Variants in MSH3 observed in about 807,000 individuals in gnomAD.
MSH3 encodes the protein DNA mismatch repair protein Msh3.
In MSH3, 106 loss-of-function variants were observed where a neutral mutation model predicts 123.3. The ratio of observed to expected loss-of-function variants is 0.86; its 90% CI spans 0.73 to 1.01. MSH3 has a LOEUF of 1.01. MSH3 is among the 50% of genes least tolerant of loss of function. The pLI is 0.00. For synonymous variants in MSH3, 515 were observed against 481.4 expected, an observed-to-expected ratio of 1.07 and a Z score of -0.91; for missense variants, 1,459 against 1,347.6, an observed-to-expected ratio of 1.08 and a Z score of -1.29.
At chr5:80,865,085 G>T in intron 22 of MSH3, 143 bp downstream of exon 22, 1 of 909,306 alleles carries the variant, frequency 1.1e-6, no homozygotes. Context: ...ATTCATTTTT[G>T]CTAAGCTTTA....
intron 15 of MSH3, among the ~76,000 whole-genome samples, chr5:80,769,747 A>G (rs577680957): frequency 2.0e-5 from 3 of 152,224 alleles, no homozygotes; most frequent in Non-Finnish European, 4.4e-5. Context: ...CTTCTATAGA[A>G]TGAGCATTTT....
chr5:80,727,974 T>A (rs1275206618), intron 9 of MSH3, among the ~76,000 whole-genome samples: 3 of 152,094 alleles, frequency 2.0e-5, no homozygotes, highest in Admixed American at 2.0e-4. Context: ...CAACAGTAAG[T>A]ACAAAATATC....
chr5:80,862,163 A>G (rs12521539), intron 21 of MSH3, among the ~76,000 whole-genome samples: 1 of 151,984 alleles, frequency 6.6e-6, no homozygotes, highest in African/African-American at 2.4e-5. Flanking sequence ...CTTCCGGCTA[A>G]AAGTGCCTAT....
At chr5:80,754,837 C>G (rs1743896763) in intron 12 of MSH3, among the ~76,000 whole-genome samples, 1 of 152,144 alleles carries the variant, frequency 6.6e-6, no homozygotes, top group Non-Finnish European at 1.5e-5. Context: ...GGTTGTATTT[C>G]TAATTTGTTA....
intron 15 of MSH3, 133 bp downstream of exon 15, chr5:80,769,136 G>A (rs1185591252): frequency 3.8e-6 from 3 of 787,480 alleles, no homozygotes; most frequent in Non-Finnish European, 2.0e-6. Context: ...TTGGAAATAT[G>A]TTGTAATAAC....
chr5:80,691,345 G>C (rs763404067), intron 8 of MSH3, among the ~76,000 whole-genome samples: 9 of 151,664 alleles, frequency 5.9e-5, no homozygotes, highest in Non-Finnish European at 1.2e-4. Context: ...ATTTAAAATA[G>C]CAACCACAAT....
At chr5:80,669,123 T>G (rs920024972) in intron 3 of MSH3, among the ~76,000 whole-genome samples, 1 of 152,026 alleles carries the variant, frequency 6.6e-6, no homozygotes, top group Non-Finnish European at 1.5e-5. Flanking sequence ...ATAAATTGAG[T>G]TTTTTTTGAA....
intron 19 of MSH3, among the ~76,000 whole-genome samples, chr5:80,803,915 G>T (rs1744837878): frequency 6.6e-6 from 1 of 152,082 alleles, no homozygotes; most frequent in Non-Finnish European, 1.5e-5. Context: ...ATTGGTCTCT[G>T]TGTCTGTTTT....
chr5:80,685,908 A>G (rs947999574), intron 8 of MSH3, among the ~76,000 whole-genome samples: 1 of 152,072 alleles, frequency 6.6e-6, no homozygotes, highest in Non-Finnish European at 1.5e-5. Flanking sequence ...TCATTGACCC[A>G]CTGGCCATTC....
Position 80,859,897 on chromosome 5 carries a change from C to T in MSH3, c.3001-4916C>T, listed in dbSNP as rs191755538. Among the ~76,000 whole-genome samples, 56 of 151,868 alleles carry T rather than the reference C, an allele frequency of 3.7e-4. 1 individual carries two copies. In the East Asian group the frequency reaches 5.4e-3, roughly 15 times the overall value. On this transcript the variant is annotated intron_variant, in intron 21 of 23. Transcript: ENST00000265081. ...CCAGCTATTTTCTCTCCTTTCTTAGCGTATCAGTTATATTTCTTGTTTTAC... is the reference window on the plus strand; with the variant it reads ...CCAGCTATTTTCTCTCCTTTCTTAGTGTATCAGTTATATTTCTTGTTTTAC...
At chr5:80,767,495 C>G (rs1561471110) in intron 13 of MSH3, among the ~76,000 whole-genome samples, 1 of 152,076 alleles carries the variant, frequency 6.6e-6, no homozygotes, top group Non-Finnish European at 1.5e-5. Flanking sequence ...TTGCTGTTCT[C>G]TTTCTATGAG....
chr5:80,830,121 T>G (rs1745393003), intron 20 of MSH3, among the ~76,000 whole-genome samples: 1 of 152,206 alleles, frequency 6.6e-6, no homozygotes, highest in South Asian at 2.1e-4. Context: ...CCTCTCTCTT[T>G]TTTTCTTAGC....
rs201277647 is a variant in MSH3, at chr5:80,808,873, A to C, written c.2656-4711A>C. On this transcript the variant is annotated intron_variant, in intron 19 of 23. Transcript: ENST00000265081. ...ATATCTTCTTCATATATATATATAT[A>C]TATATATATACACAATCTAAATTCG... Among the ~76,000 whole-genome samples the C allele has an allele frequency of 3.6e-5, 5 of 137,034 alleles. No homozygotes were observed. In the East Asian group the frequency reaches 6.6e-4, roughly 18 times the overall value. The allele number at this position is 137,034 out of a possible 152,430, so 89.9% of individuals were successfully genotyped here.
In MSH3 at chr5:80,820,900, C is replaced by T. The variant is rs183893895; in HGVS notation, c.2813+7159C>T. Among the ~76,000 whole-genome samples the T allele has an allele frequency of 7.9e-4, 121 of 152,240 alleles. 1 individual carries two copies. The highest frequency in any genetic ancestry group is 1.3e-3 in the African/African-American group (55 of 41,548). Reference sequence around the variant, plus strand: ...TGAGTAAGAGGAGATTTGCACTTCACGAAGGTCCAGGTTAAGCTTAGTTGC... The same window carrying T: ...TGAGTAAGAGGAGATTTGCACTTCATGAAGGTCCAGGTTAAGCTTAGTTGC... On this transcript the variant is annotated intron_variant, in intron 20 of 23. Coordinates refer to ENST00000265081, the MANE Select transcript of MSH3 (RefSeq NM_002439.5).
chr5:80,690,284 C>T (rs1009561911), intron 8 of MSH3, among the ~76,000 whole-genome samples: 1 of 151,846 alleles, frequency 6.6e-6, no homozygotes, highest in Non-Finnish European at 1.5e-5. Context: ...CGTTGGGTAC[C>T]AGTGTACCAG....
At chr5:80,765,123 C>G (rs1744101690) in intron 13 of MSH3, among the ~76,000 whole-genome samples, 1 of 152,194 alleles carries the variant, frequency 6.6e-6, no homozygotes, top group Non-Finnish European at 1.5e-5. Context: ...TTGAGAACAA[C>G]CTGCTGCCTC....
intron 8 of MSH3, among the ~76,000 whole-genome samples, chr5:80,719,046 G>A (rs1340338501): frequency 6.6e-6 from 1 of 151,250 alleles, no homozygotes; most frequent in Non-Finnish European, 1.5e-5. Context: ...AGTAGGAAAT[G>A]GTATTTTTTT....
intron 8 of MSH3, among the ~76,000 whole-genome samples, chr5:80,725,032 G>A (rs1249384406): frequency 6.6e-6 from 1 of 151,844 alleles, no homozygotes; most frequent in African/African-American, 2.4e-5. Flanking sequence ...GGCTAACACG[G>A]TGAAACCCCC....
In MSH3 at chr5:80,679,864, G is replaced by A. The variant is rs531400509; in HGVS notation, c.1340+771G>A. ...GTGTGGTGGGAAAGAGACCAGAAAG[G>A]TGTGCTGGGGCTTCAGCGAAGTAGA... On this transcript the variant is annotated intron_variant, in intron 8 of 23. Coordinates refer to ENST00000265081, the MANE Select transcript of MSH3 (RefSeq NM_002439.5). 1.2e-4 allele frequency among the ~76,000 whole-genome samples: 19 copies of A among 152,302 alleles called. No individual in the cohort carries two copies. In the East Asian group the frequency reaches 3.7e-3, roughly 29 times the overall value.
Sources: gnomAD v4.1 joint callset for allele counts (sites outside exome capture counted in the v4.1 genomes callset) on GRCh38, gnomAD v4.1.1 for gene constraint, MANE v1.5 for transcripts, NCBI Gene and HGNC (gene_info 2026-07-23, HGNC 2026-07-21) for gene names.